Variants in ZNF732 observed in about 807,000 individuals in gnomAD.
ZNF732 encodes zinc finger protein LOC654254.
Under a neutral mutation model 11.5 loss-of-function variants are expected in ZNF732, and 12 were observed. That is an observed-to-expected ratio of 1.05 (90% CI 0.67 to 1.70). ZNF732 has a LOEUF of 1.70. Among genes scored for constraint, ZNF732 ranks in the 40% most tolerant of loss-of-function variants. The probability of loss-of-function intolerance (pLI) is 0.00; values close to 1 mark genes in which losing one functional copy is unlikely to be tolerated. For missense variants in ZNF732, 702 were observed against 676.9 expected (o/e 1.04, Z -0.41); for synonymous variants, 231 against 236.5 (o/e 0.98, Z 0.21).
At position 289,378 on chromosome 4, in the gene ZNF732, C is replaced by T. The variant is rs144508287; in HGVS notation, c.226+6060G>A. 5.6e-4 allele frequency among the ~76,000 whole-genome samples: 86 copies of T among 152,346 alleles called. 1 individual carries two copies. The highest frequency in any genetic ancestry group is 1.9e-3 in the African/African-American group (79 of 41,584). ...AGGTTAAAATAGGGGAGAAATCCTACATGTTGCAATGATAGCTTTTTGGAA... is the reference window on the plus strand; with the variant it reads ...AGGTTAAAATAGGGGAGAAATCCTATATGTTGCAATGATAGCTTTTTGGAA... On this transcript the variant is annotated intron_variant, in intron 3 of 3. Coordinates refer to ENST00000419098, the MANE Select transcript of ZNF732 (RefSeq NM_001137608.3).
At chr4:290,853 A>C (rs937444097) in intron 3 of ZNF732, among the ~76,000 whole-genome samples, 6 of 152,214 alleles carry the variant, frequency 3.9e-5, no homozygotes, top group Non-Finnish European at 7.3e-5. Context: ...TTCTCTGCAA[A>C]CCCAGAGGTA....
Position 305,453 on chromosome 4 carries a change from A to G in ZNF732, c.-143T>C. On this transcript the variant is annotated 5_prime_UTR_variant, in exon 1 of 4. Coordinates refer to ENST00000419098, the MANE Select transcript of ZNF732 (RefSeq NM_001137608.3). ...AGCACGGCCGTGGAGACCCTAACCG[A>G]GCTCACGCTGGCGCAAAAGGCAAAA... 1 of 1,218,890 alleles carries G rather than the reference A, an allele frequency of 8.2e-7. No individual in the cohort carries two copies. The highest frequency in any genetic ancestry group is 1.4e-5 in the South Asian group (1 of 72,044). The allele number at this position is 1,218,890 out of a possible 1,614,324, so 75.5% of individuals were successfully genotyped here.
intron 3 of ZNF732, among the ~76,000 whole-genome samples, chr4:284,070 C>T (rs1719675708): frequency 6.6e-6 from 1 of 151,968 alleles, no homozygotes; most frequent in Non-Finnish European, 1.5e-5. Flanking sequence ...GCCACCACGC[C>T]CGGCTAATTT....
chr4:304,967 A>T (rs999257910), intron 1 of ZNF732, among the ~76,000 whole-genome samples: 5 of 152,178 alleles, frequency 3.3e-5, no homozygotes, highest in Non-Finnish European at 7.4e-5. Flanking sequence ...TCTTATTCCG[A>T]ACAGGGTAAA....
intron 3 of ZNF732, among the ~76,000 whole-genome samples, chr4:292,980 A>T (rs1427275046): frequency 2.4e-5 from 3 of 125,176 alleles, no homozygotes; most frequent in African/African-American, 1.0e-4. Flanking sequence ...AGGCAGGAGA[A>T]TGGCGTGAAC....
intron 3 of ZNF732, among the ~76,000 whole-genome samples, chr4:280,011 T>C (rs1719583978): frequency 6.6e-6 from 1 of 152,104 alleles, no homozygotes; most frequent in Non-Finnish European, 1.5e-5. Context: ...ATGATTTTTA[T>C]TTGAATTAAA....
At chr4:280,180 A>G (rs190722436) in intron 3 of ZNF732, among the ~76,000 whole-genome samples, 1 of 151,836 alleles carries the variant, frequency 6.6e-6, no homozygotes, top group Non-Finnish European at 1.5e-5. Flanking sequence ...TATAGAATAT[A>G]GATGTAGATG....
chr4:301,504 G>A lies in ZNF732; in HGVS notation c.3+3804C>T, dbSNP rs145649355. Among the ~76,000 whole-genome samples the A allele has an allele frequency of 8.9e-3, 1,348 of 152,302 alleles. 8 individuals are homozygous for A. Among genetic ancestry groups the A allele is most frequent in the Middle Eastern group, 0.017 (5 of 294 alleles). Reference sequence around the variant, plus strand: ...CAATGATAGACTAGATTAAGAAAACGTGGCACATATACACCATGGAATACT... The same window carrying A: ...CAATGATAGACTAGATTAAGAAAACATGGCACATATACACCATGGAATACT... On this transcript the variant is annotated intron_variant, in intron 1 of 3. Transcript: ENST00000419098.
At chr4:278,152 T>C (rs548726210) in intron 3 of ZNF732, among the ~76,000 whole-genome samples, 1 of 152,302 alleles carries the variant, frequency 6.6e-6, no homozygotes, top group South Asian at 2.1e-4. Flanking sequence ...CTTACCCATA[T>C]GTGAAATCTA....
At chr4:288,937 TATCCTCGTATTGCTATAA>T (rs1553841004) in intron 3 of ZNF732, among the ~76,000 whole-genome samples, 3 of 152,198 alleles carry the variant, frequency 2.0e-5, no homozygotes, top group Non-Finnish European at 2.9e-5. Flanking sequence ...TGTATTAGTT[TATCCTCGTATTGCTATAA>T]ATACCTGACA....
intron 3 of ZNF732, among the ~76,000 whole-genome samples, chr4:276,314 C>T (rs1553838682): frequency 6.6e-6 from 1 of 151,846 alleles, no homozygotes; most frequent in Admixed American, 6.6e-5. Flanking sequence ...CCATATTTGA[C>T]TTATGCTCCA....
At position 296,041 on chromosome 4, in the gene ZNF732, G is replaced by C; in HGVS notation, c.118C>G (p.Leu40Val). Residue 40 changes from leucine to valine, a missense_variant, in exon 2 of 4, where the codon CTG (leucine) becomes GTG (valine). Around this residue, in one of 3 missense-constraint regions of ZNF732, gnomAD observed 596 missense variants for 557.9 expected, o/e 1.07. Transcript: ENST00000419098. ...RDVMLENYRNLISLGVAISNP... is the reference protein window; with the variant it reads ...RDVMLENYRNVISLGVAISNP... ...AAGTTATCCTCACCCAGGGAGATCAGGTTCCTGTAGTTCTCCAACATCACA... is the reference window on the plus strand; with the variant it reads ...AAGTTATCCTCACCCAGGGAGATCACGTTCCTGTAGTTCTCCAACATCACA... The C allele has an allele frequency of 6.2e-7, 1 of 1,613,168 alleles. No homozygotes were observed. The highest frequency in any genetic ancestry group is 1.1e-5 in the South Asian group (1 of 90,860).
In ZNF732 at chr4:299,542, C is replaced by T. The variant is rs868907193; in HGVS notation, c.4-3387G>A. On this transcript the variant is annotated intron_variant, in intron 1 of 3. Coordinates refer to ENST00000419098, the MANE Select transcript of ZNF732 (RefSeq NM_001137608.3). ...ATATATGTGTATATATACATATATA[C>T]ACATATATATGTATATATATAGTTT... 3.0e-4 allele frequency among the ~76,000 whole-genome samples: 38 copies of T among 126,624 alleles called. 1 individual carries two copies. Among genetic ancestry groups the T allele is most frequent in the African/African-American group, 1.1e-3 (35 of 32,814 alleles). 83.1% of individuals were successfully genotyped at this position (126,624 alleles called of 152,430 possible).
chr4:301,724 G>A (rs1553843646), intron 1 of ZNF732, among the ~76,000 whole-genome samples: 1 of 152,162 alleles, frequency 6.6e-6, no homozygotes, highest in African/African-American at 2.4e-5. Context: ...GTTGTGGGGT[G>A]GGAGGAGTGG....
intron 3 of ZNF732, among the ~76,000 whole-genome samples, chr4:277,778 CCA>C (rs376501527): frequency 1.3e-5 from 2 of 151,768 alleles, no homozygotes; most frequent in African/African-American, 2.4e-5. Context: ...CCATGAACTA[CCA>C]CACACACACA....
rs180824286 is a variant in ZNF732, at chr4:279,589, G to C, written c.227-6959C>G. Among the ~76,000 whole-genome samples the C allele has an allele frequency of 2.6e-4, 40 of 152,130 alleles. No individual in the cohort carries two copies. The East Asian group carries it at 7.5e-3, about 29-fold the overall frequency. On this transcript the variant is annotated intron_variant, in intron 3 of 3. Coordinates refer to ENST00000419098, the MANE Select transcript of ZNF732 (RefSeq NM_001137608.3). ...AAAAATGGCAGTTTATTGTTTATGA[G>C]GTATGAACTTTACTTTGATAAAATT...
intron 3 of ZNF732, among the ~76,000 whole-genome samples, chr4:294,615 CTTTGAATGAGAGGGCT>C (rs1327194999): frequency 6.6e-6 from 1 of 152,100 alleles, no homozygotes; most frequent in East Asian, 1.9e-4. Context: ...GGGGCCAAAA[CTTTGAATGAGAGGGCT>C]TTTTTGCTTA....
At position 271,173 on chromosome 4, in the gene ZNF732, C is replaced by G; in HGVS notation, c.1684G>C (p.Gly562Arg). The stretch of plus-strand genomic sequence containing the variant: ...GACCACTTAAAGGCTTTGCCACATC[C>G]TTTACATTTGGGGGTTTTATCTCCA... ...HTGDKTPKCK[G>R]CGKAFKWSSY... The change falls in exon 4 of 4, where the codon GGA becomes CGA. Residue 562 changes from glycine (G) to arginine (R), a missense_variant. Physicochemically the swap from Gly to Arg is moderately radical, Grantham distance 125 (BLOSUM62 -2). Transcript: ENST00000419098. 1.3e-6 allele frequency: 2 copies of G among 1,553,680 alleles called. No homozygotes were observed. The highest frequency in any genetic ancestry group is 1.7e-6 in the Non-Finnish European group (2 of 1,148,242).
intron 3 of ZNF732, among the ~76,000 whole-genome samples, chr4:293,114 A>G (rs940273131): frequency 1.3e-5 from 2 of 148,266 alleles, no homozygotes; most frequent in Admixed American, 6.7e-5. Context: ...AAAAATGGAA[A>G]TATTATATAA....
Sources: allele counts gnomAD v4.1 joint callset (sites outside exome capture counted in the v4.1 genomes callset), GRCh38; gene constraint gnomAD v4.1.1; regional missense constraint gnomAD v4.1.1; transcripts MANE v1.5; gene names NCBI Gene and HGNC (gene_info 2026-07-23, HGNC 2026-07-21).